Variants in DLGAP2 observed in about 807,000 individuals in gnomAD.
DLGAP2 encodes the protein DLG associated protein 2, also known as disks large-associated protein 2.
Under a neutral mutation model 100.3 loss-of-function variants are expected in DLGAP2, and 26 were observed. That is an observed-to-expected ratio of 0.26 (90% CI 0.19 to 0.36). The LOEUF (loss-of-function observed/expected upper bound fraction) is 0.36. DLGAP2 is among the 10% of genes least tolerant of loss of function. The pLI, the probability that DLGAP2 is intolerant of heterozygous loss-of-function variation, is 1.00. For synonymous variants in DLGAP2, 886 were observed against 630.1 expected (o/e 1.41, Z -6.08); for missense variants, 1,858 against 1,453.2 (o/e 1.28, Z -4.53).
chr8:1,088,140 G>C (rs117856134), intron 2 of DLGAP2, among the ~76,000 whole-genome samples: 1 of 152,226 alleles, frequency 6.6e-6, no homozygotes, highest in Non-Finnish European at 1.5e-5. Context: ...TCACCAAGGC[G>C]GCTGCTGGTC....
At chr8:1,500,621 A>C (rs1434513203) in intron 3 of DLGAP2, among the ~76,000 whole-genome samples, 1 of 152,258 alleles carries the variant, frequency 6.6e-6, no homozygotes, top group African/African-American at 2.4e-5. Context: ...GGGACCAGTT[A>C]AATCAAGTGA....
intron 2 of DLGAP2, among the ~76,000 whole-genome samples, chr8:1,021,223 A>C (rs1447846148): frequency 6.6e-6 from 1 of 152,170 alleles, no homozygotes; most frequent in Non-Finnish European, 1.5e-5. Context: ...GACATCAGAA[A>C]CATAAGAAGG....
At chr8:1,223,132 C>G (rs1016412318) in intron 2 of DLGAP2, among the ~76,000 whole-genome samples, 1 of 152,146 alleles carries the variant, frequency 6.6e-6, no homozygotes, top group Non-Finnish European at 1.5e-5. Flanking sequence ...AAGAGTGGGC[C>G]ACTCCATGCC....
At chr8:761,264 C>T (rs540556678) in intron 1 of DLGAP2, among the ~76,000 whole-genome samples, 13 of 152,166 alleles carry the variant, frequency 8.5e-5, no homozygotes, top group Non-Finnish European at 1.8e-4. Flanking sequence ...CTTCCACCCA[C>T]GCCTTCCATC....
chr8:1,558,089 C>T (rs1584925363), intron 5 of DLGAP2, among the ~76,000 whole-genome samples: 1 of 152,256 alleles, frequency 6.6e-6, no homozygotes, highest in South Asian at 2.1e-4. Flanking sequence ...CCTTGGTCCT[C>T]GAGGGGTGAG....
chr8:821,340 G>A (rs1267630783), intron 1 of DLGAP2, among the ~76,000 whole-genome samples: 3 of 152,054 alleles, frequency 2.0e-5, no homozygotes, highest in Non-Finnish European at 2.9e-5. Flanking sequence ...AGTGTTTTGC[G>A]ATCACCAGCT....
intron 6 of DLGAP2, among the ~76,000 whole-genome samples, chr8:1,584,579 A>G (rs1796055695): frequency 6.6e-6 from 1 of 152,188 alleles, no homozygotes; most frequent in African/African-American, 2.4e-5. Flanking sequence ...CAGCACGTGC[A>G]GAGAGAGCAT....
intron 3 of DLGAP2, among the ~76,000 whole-genome samples, chr8:1,499,480 CTG>C (rs1223292564): frequency 4.6e-5 from 7 of 152,210 alleles, no homozygotes; most frequent in African/African-American, 1.7e-4. Flanking sequence ...TCCATGGAAA[CTG>C]TAGTTAATTA....
At chr8:1,291,643 G>C (rs1800062575) in intron 3 of DLGAP2, among the ~76,000 whole-genome samples, 1 of 152,164 alleles carries the variant, frequency 6.6e-6, no homozygotes, top group Non-Finnish European at 1.5e-5. Flanking sequence ...CAGGCTAAGG[G>C]ATCTCCAAAT....
At chr8:1,287,283 G>GTGGTT (rs1799946731) in intron 3 of DLGAP2, among the ~76,000 whole-genome samples, 1 of 7,048 alleles carries the variant, frequency 1.4e-4, no homozygotes, top group African/African-American at 1.7e-3. Flanking sequence ...TGTGTGTGTG[G>GTGGTT]TTGTTAGGAG....
At chr8:1,467,064 T>C (rs1798646481) in intron 3 of DLGAP2, among the ~76,000 whole-genome samples, 1 of 140,614 alleles carries the variant, frequency 7.1e-6, no homozygotes. Flanking sequence ...AGAAGACGGA[T>C]GCCCGGCCCC....
At chr8:976,495 C>G (rs1273610556) in intron 2 of DLGAP2, among the ~76,000 whole-genome samples, 1 of 152,104 alleles carries the variant, frequency 6.6e-6, no homozygotes, top group Non-Finnish European at 1.5e-5. Flanking sequence ...GCCTGTAGTC[C>G]CAGCTACTTG....
At chr8:1,318,941 G>A (rs1326795925) in intron 3 of DLGAP2, among the ~76,000 whole-genome samples, 1 of 152,054 alleles carries the variant, frequency 6.6e-6, no homozygotes, top group Non-Finnish European at 1.5e-5. Context: ...CGCTCAGCAT[G>A]GTTTTTCCTC....
intron 2 of DLGAP2, among the ~76,000 whole-genome samples, chr8:1,180,862 G>T (rs544032956): frequency 2.0e-5 from 2 of 97,756 alleles, no homozygotes; most frequent in African/African-American, 6.6e-5. Flanking sequence ...ACTTACCGTC[G>T]AATGTGGTGC....
chr8:1,613,627 T>A (rs926888797), intron 6 of DLGAP2, among the ~76,000 whole-genome samples: 1 of 152,168 alleles, frequency 6.6e-6, no homozygotes, highest in Non-Finnish European at 1.5e-5. Context: ...ACAAGGGCGA[T>A]GCCTTCATAA....
chr8:1,566,225 TG>T (rs1404372253), intron 6 of DLGAP2, among the ~76,000 whole-genome samples: 2 of 152,190 alleles, frequency 1.3e-5, no homozygotes, highest in African/African-American at 4.8e-5. Flanking sequence ...TGTGTGCGTA[TG>T]GGTGTGTGTT....
At position 1,267,615 on chromosome 8, in the gene DLGAP2, A is replaced by ATAAAATAATAAAAT; in HGVS notation, c.106+8732_106+8733insTAAAATAATAAAAT. On this transcript the variant is annotated intron_variant, in intron 3 of 14. Coordinates refer to ENST00000637795, the MANE Select transcript of DLGAP2 (RefSeq NM_001346810.2). The stretch of plus-strand genomic sequence containing the variant: ...AGATAAGATAAGATAAGATAAGATA[A>ATAAAATAATAAAAT]GATAAGATAAATATTAAATAGGTCT... Among the ~76,000 whole-genome samples, 113 of 121,190 alleles carry ATAAAATAATAAAAT rather than the reference A, an allele frequency of 9.3e-4. 7 individuals are homozygous for ATAAAATAATAAAAT. The highest frequency in any genetic ancestry group is 3.4e-3 in the African/African-American group (89 of 26,138). The allele number at this position is 121,190 out of a possible 152,430, so 79.5% of individuals were successfully genotyped here.
chr8:745,057 C>T (rs546696594), intron 1 of DLGAP2, among the ~76,000 whole-genome samples: 1 of 152,334 alleles, frequency 6.6e-6, no homozygotes, highest in African/African-American at 2.4e-5. Context: ...CTCGTAAATA[C>T]ACACCGTGAA....
At chr8:1,010,234 A>T (rs1004209799) in intron 2 of DLGAP2, among the ~76,000 whole-genome samples, 10 of 152,214 alleles carry the variant, frequency 6.6e-5, no homozygotes. Context: ...ATACACACAT[A>T]CACACATGTG....
Sources: gnomAD v4.1 joint callset for allele counts (sites outside exome capture counted in the v4.1 genomes callset) on GRCh38, gnomAD v4.1.1 for gene constraint, MANE v1.5 for transcripts, NCBI Gene and HGNC (gene_info 2026-07-23, HGNC 2026-07-21) for gene names.